Variants in CUX1 observed in about 807,000 individuals in gnomAD.
CUX1 encodes protein CASP.
Under a neutral mutation model 158.8 loss-of-function variants are expected in CUX1, and 31 were observed. That is an observed-to-expected ratio of 0.20 (90% CI 0.15 to 0.26). The LOEUF (loss-of-function observed/expected upper bound fraction) is 0.26. Among genes scored for constraint, CUX1 ranks in the 10% least tolerant of loss-of-function variants. The probability of loss-of-function intolerance (pLI) is 1.00; values close to 1 mark genes in which losing one functional copy is unlikely to be tolerated. For missense variants in CUX1, 1,589 were observed against 2,014.6 expected (o/e 0.79, Z 4.04); for synonymous variants, 879 against 862.1 (o/e 1.02, Z -0.34).
chr7:101,992,774 C>T lies in CUX1; in HGVS notation c.142-35324C>T, dbSNP rs202160. On this transcript the variant is annotated intron_variant, in intron 2 of 23. Transcript: ENST00000292535. ...GTGAGGCCACCAGAGCTTTGATTTC[C>T]GCCCCCGCCGCCCCCCTCCAACCCC... 6.1e-4 allele frequency among the ~76,000 whole-genome samples: 93 copies of T among 152,028 alleles called. 3 individuals are homozygous for T. The highest frequency in any genetic ancestry group is 5.5e-3 in the Admixed American group (84 of 15,266).
intron 2 of CUX1, among the ~76,000 whole-genome samples, chr7:101,963,306 C>T (rs767269598): frequency 6.6e-6 from 1 of 152,232 alleles, no homozygotes; most frequent in Non-Finnish European, 1.5e-5. Context: ...GGAGGAATCA[C>T]ATGGGTTAGG....
intron 14 of CUX1, among the ~76,000 whole-genome samples, chr7:102,266,916 G>A (rs1790850232): frequency 6.6e-6 from 1 of 152,178 alleles, no homozygotes; most frequent in Non-Finnish European, 1.5e-5. Context: ...GCCAGAGTGG[G>A]GTCAAGGGAA....
In CUX1 at chr7:101,926,435, G is replaced by A. The variant is rs148775946; in HGVS notation, c.141+10210G>A. On this transcript the variant is annotated intron_variant, in intron 2 of 23. Coordinates refer to ENST00000292535, the MANE Select transcript of CUX1 (RefSeq NM_181552.4). ...GGCTGCATTATCCCCCTACATCCCA[G>A]CAAGACTTTGCCGCATGGTCTGGAG... Among the ~76,000 whole-genome samples, 1,026 of 152,166 alleles carry A rather than the reference G, an allele frequency of 6.7e-3. 7 individuals are homozygous for A. Among genetic ancestry groups the A allele is most frequent in the African/African-American group, 0.023 (966 of 41,512 alleles).
intron 20 of CUX1, among the ~76,000 whole-genome samples, chr7:102,281,324 C>T (rs541376722): frequency 6.6e-6 from 1 of 151,936 alleles, no homozygotes; most frequent in South Asian, 2.1e-4. Context: ...GAGCTGTGAC[C>T]ACTACATTCC....
chr7:102,239,192 T>G (rs1481484220), intron 22 of CUX1, 128 bp from the exon 23 acceptor site: 10 of 1,106,194 alleles, frequency 9.0e-6, no homozygotes, highest in Middle Eastern at 2.7e-4. Flanking sequence ...CAGCCTCATC[T>G]TAGTGTTTTG....
chr7:101,826,389 A>G (rs1165323119), intron 1 of CUX1, among the ~76,000 whole-genome samples: 2 of 150,674 alleles, frequency 1.3e-5, no homozygotes, highest in African/African-American at 4.9e-5. Flanking sequence ...TTTTTTAGAG[A>G]CAGGGTTTTG....
intron 2 of CUX1, among the ~76,000 whole-genome samples, chr7:101,973,748 G>A (rs1391768102): frequency 6.6e-6 from 1 of 151,196 alleles, no homozygotes; most frequent in Non-Finnish European, 1.5e-5. Flanking sequence ...CCTTGCCCCA[G>A]ATTCTTTTTC....
chr7:101,904,046 A>G (rs1802461911), intron 1 of CUX1, among the ~76,000 whole-genome samples: 1 of 151,850 alleles, frequency 6.6e-6, no homozygotes, highest in Non-Finnish European at 1.5e-5. Context: ...TAATGGCAGT[A>G]CTTTGGGAGG....
At chr7:102,235,420 G>T (rs1020793115) in intron 22 of CUX1, among the ~76,000 whole-genome samples, 2 of 151,842 alleles carry the variant, frequency 1.3e-5, no homozygotes, top group African/African-American at 2.4e-5. Context: ...CATCCCAGGG[G>T]CCGGGCACAG....
rs1412036676 is a variant in CUX1, at chr7:102,249,624, T to C, written c.*582T>C. 3 of 985,428 alleles carry C rather than the reference T, an allele frequency of 3.0e-6. No individual in the cohort carries two copies. The highest frequency in any genetic ancestry group is 2.4e-6 in the Non-Finnish European group (2 of 829,910). 61.0% of individuals were successfully genotyped at this position (985,428 alleles called of 1,614,324 possible). A position where few individuals can be genotyped will look rare whatever the true frequency, so the allele number is the denominator to read the frequency against. On this transcript the variant is annotated 3_prime_UTR_variant, in exon 24 of 24. Transcript: ENST00000292535. ...AAAAGGGGGCTTTTTATCTGCCATC[T>C]AATGGCTTCAGAGCGATAATACACT...
In CUX1 at chr7:101,943,078, C is replaced by CTT. The variant is rs58332486; in HGVS notation, c.141+26877_141+26878dup. Reference sequence around the variant, plus strand: ...ACTTTCCTCTCCATCCTGGTCAGTGCTTTTTTTTTTTTTTTTTTTTTTTTT... The same window carrying CTT: ...ACTTTCCTCTCCATCCTGGTCAGTGCTTTTTTTTTTTTTTTTTTTTTTTTTTT... On this transcript the variant is annotated intron_variant, in intron 2 of 23. Transcript: ENST00000292535. 6.3e-3 allele frequency among the ~76,000 whole-genome samples: 508 copies of CTT among 80,318 alleles called. 7 individuals are homozygous for CTT. Among genetic ancestry groups the CTT allele is most frequent in the African/African-American group, 0.022 (437 of 19,620 alleles). The allele number at this position is 80,318 out of a possible 152,430, so 52.7% of individuals were successfully genotyped here.
chr7:101,857,838 A>C (rs1797035189), intron 1 of CUX1, among the ~76,000 whole-genome samples: 1 of 152,042 alleles, frequency 6.6e-6, no homozygotes, highest in Non-Finnish European at 1.5e-5. Context: ...ATTTAACAGT[A>C]AGGGCTGGGG....
At chr7:102,176,558 C>CTTTTTTTTTTTTT (rs60973137) in intron 10 of CUX1, among the ~76,000 whole-genome samples, 1 of 86,730 alleles carries the variant, frequency 1.2e-5, no homozygotes. Flanking sequence ...GCCAGGATTC[C>CTTTTTTTTTTTTT]TTTTTTTTTT....
At chr7:102,219,848 G>C (rs1389198154) in intron 20 of CUX1, among the ~76,000 whole-genome samples, 7 of 152,298 alleles carry the variant, frequency 4.6e-5, no homozygotes, top group Admixed American at 4.6e-4. Context: ...TTTTTATATG[G>C]GCGATGTCTA....
intron 2 of CUX1, among the ~76,000 whole-genome samples, chr7:101,993,932 G>A (rs747958291): frequency 1.3e-5 from 2 of 152,094 alleles, no homozygotes; most frequent in Non-Finnish European, 2.9e-5. Context: ...TGTCCTCCCA[G>A]CCCCAAACCC....
At chr7:101,929,170 C>T (rs901301654) in intron 2 of CUX1, among the ~76,000 whole-genome samples, 6 of 151,688 alleles carry the variant, frequency 4.0e-5, no homozygotes, top group Non-Finnish European at 8.8e-5. Flanking sequence ...AGTGAGACTC[C>T]GTCTCAAAAT....
intron 2 of CUX1, among the ~76,000 whole-genome samples, chr7:101,997,233 C>T (rs960579053): frequency 1.3e-5 from 2 of 151,606 alleles, no homozygotes; most frequent in Non-Finnish European, 2.9e-5. Context: ...TAGTGTGGGC[C>T]TCCCTGGGGT....
chr7:102,170,307 T>C, intron 9 of CUX1, 139 bp from the exon 10 acceptor site: 2 of 632,172 alleles, frequency 3.2e-6, no homozygotes, highest in Middle Eastern at 3.1e-4. Context: ...CTGTGTTTTT[T>C]TTCCTAGCAT....
intron 2 of CUX1, among the ~76,000 whole-genome samples, chr7:101,984,132 A>G (rs1364071446): frequency 7.5e-5 from 1 of 13,262 alleles, no homozygotes; most frequent in African/African-American, 3.0e-4. Flanking sequence ...ATATATATAC[A>G]CACACACATA....
Sources: gnomAD v4.1 joint callset for allele counts (sites outside exome capture counted in the v4.1 genomes callset) on GRCh38, gnomAD v4.1.1 for gene constraint, MANE v1.5 for transcripts, NCBI Gene and HGNC (gene_info 2026-07-23, HGNC 2026-07-21) for gene names.